CSNK1G1: variants seen among roughly 807,000 people sequenced by gnomAD.
The protein encoded by CSNK1G1 is casein kinase I isoform gamma-1.
A neutral mutation model predicts 59.6 loss-of-function variants in CSNK1G1; 22 were observed. That is an observed-to-expected ratio of 0.37 (90% confidence interval 0.26 to 0.53). The LOEUF is 0.53. CSNK1G1 is among the 20% of genes least tolerant of loss of function. The pLI is 0.89. For synonymous variants in CSNK1G1, 179 were observed against 177.1 expected (o/e 1.01, Z -0.08); for missense variants, 384 against 519.5 (o/e 0.74, Z 2.54).
chr15:64,283,005 G>A (rs1894225246), intron 2 of CSNK1G1, among the ~76,000 whole-genome samples: 1 of 152,130 alleles, frequency 6.6e-6, no homozygotes, highest in African/African-American at 2.4e-5. Flanking sequence ...AATGGACTTT[G>A]GGCAGAAGGG....
At chr15:64,349,670 A>G (rs1016171032) in intron 1 of CSNK1G1, among the ~76,000 whole-genome samples, 2 of 152,148 alleles carry the variant, frequency 1.3e-5, no homozygotes, top group African/African-American at 4.8e-5. Flanking sequence ...TGCTATTTCA[A>G]TTTCTCTGAG....
rs758212983 is a variant in CSNK1G1, at chr15:64,216,663, C to T, written c.343G>A (p.Ala115Thr). ...YYFGPCGKYN[A>T]MVLELLGPSL... is the part of the protein sequence containing the mutation. ...GGGCCAAGGAGCTCCAGCACCATGG[C>T]ATTATATTTCCCACATGGTCCAAAG... is the stretch of plus-strand genomic sequence containing the variant. The change falls in exon 5 of 12, where the codon GCC (alanine) becomes ACC (threonine). Residue 115 changes from alanine to threonine, a missense_variant. Coordinates refer to ENST00000303052, the MANE Select transcript of CSNK1G1 (RefSeq NM_022048.5). The surrounding 1 kb of genome is among the most constrained non-coding windows in gnomAD (Gnocchi z 4.6). The T allele has an allele frequency of 6.2e-7, 1 of 1,613,980 alleles. No individual in the cohort carries two copies. Among genetic ancestry groups the T allele is most frequent in the Non-Finnish European group, 8.5e-7 (1 of 1,179,880 alleles).
At chr15:64,322,256 C>T (rs561765532) in intron 1 of CSNK1G1, among the ~76,000 whole-genome samples, 167 of 152,268 alleles carry the variant, frequency 1.1e-3, no homozygotes, top group Non-Finnish European at 1.9e-3. Context: ...GGTTATTTCT[C>T]CTAAAGCTGT....
At chr15:64,312,477 CA>C (rs1357052648) in intron 1 of CSNK1G1, among the ~76,000 whole-genome samples, 1 of 152,176 alleles carries the variant, frequency 6.6e-6, no homozygotes, top group African/African-American at 2.4e-5. Flanking sequence ...TGATCTTTGA[CA>C]AACCTGACAA....
intron 4 of CSNK1G1, among the ~76,000 whole-genome samples, chr15:64,231,747 AT>A (rs916794183): frequency 2.6e-5 from 4 of 152,014 alleles, no homozygotes; most frequent in African/African-American, 4.8e-5. Flanking sequence ...ATTAGAAACC[AT>A]TTTTTCTTTC....
chr15:64,332,967 C>T (rs1267205821), intron 1 of CSNK1G1, among the ~76,000 whole-genome samples: 3 of 152,040 alleles, frequency 2.0e-5, no homozygotes, highest in Admixed American at 6.6e-5. Flanking sequence ...AAGAAAATTT[C>T]CCTGACTAGC....
At chr15:64,279,165 G>A (rs761254274) in intron 2 of CSNK1G1, among the ~76,000 whole-genome samples, 1 of 152,100 alleles carries the variant, frequency 6.6e-6, no homozygotes, top group Admixed American at 6.5e-5. Context: ...GCACACAAAC[G>A]TTAACTGTAG....
rs1311847246 is a variant in CSNK1G1, at chr15:64,210,933, C to A, written c.679+2957G>T. Among the ~76,000 whole-genome samples the A allele has an allele frequency of 6.6e-6, 1 of 152,134 alleles. No homozygotes were observed. The highest frequency in any genetic ancestry group is 1.9e-4 in the East Asian group (1 of 5,184). On this transcript the variant is annotated intron_variant, in intron 6 of 11. Transcript: ENST00000303052. The surrounding 1 kb of genome is among the most constrained non-coding windows in gnomAD (Gnocchi z 4.2). ...GCAGGTTGGTGAGAAGAGCCTAGCA[C>A]CCCCCTTCCCATGTGATCTGCACAT...
intron 4 of CSNK1G1, among the ~76,000 whole-genome samples, chr15:64,217,916 G>C (rs1411267904): frequency 6.6e-6 from 1 of 151,948 alleles, no homozygotes; most frequent in Non-Finnish European, 1.5e-5. Flanking sequence ...GTGGTCTACA[G>C]TTGCATATGT....
intron 2 of CSNK1G1, among the ~76,000 whole-genome samples, chr15:64,287,231 T>C (rs913501767): frequency 1.3e-5 from 2 of 152,158 alleles, no homozygotes; most frequent in Non-Finnish European, 2.9e-5. Flanking sequence ...ATTTCTCTCA[T>C]CTTTAAAACG....
At chr15:64,281,820 G>GA (rs1894154666) in intron 2 of CSNK1G1, among the ~76,000 whole-genome samples, 3 of 149,618 alleles carry the variant, frequency 2.0e-5, no homozygotes, top group African/African-American at 7.4e-5. Flanking sequence ...AAAAAGAAAA[G>GA]AAAAAGTTCT....
intron 2 of CSNK1G1, among the ~76,000 whole-genome samples, chr15:64,295,008 G>C (rs1740443302): frequency 6.6e-6 from 1 of 151,304 alleles, no homozygotes; most frequent in Non-Finnish European, 1.5e-5. Flanking sequence ...GAGGTGGGTA[G>C]ATCACAAGGT....
intron 10 of CSNK1G1, chr15:64,194,057 T>C (rs559797471): frequency 6.6e-6 from 1 of 152,424 alleles, no homozygotes; most frequent in South Asian, 2.1e-4. Flanking sequence ...TGCACTTGCT[T>C]GTTTCAAAGC....
chr15:64,277,768 GAT>G (rs1240178485), intron 2 of CSNK1G1, among the ~76,000 whole-genome samples: 1 of 117,052 alleles, frequency 8.5e-6, no homozygotes, highest in Non-Finnish European at 1.7e-5. Context: ...TAGCAATATT[GAT>G]ATATTTAATA....
At chr15:64,276,044 T>G (rs1002026571) in intron 2 of CSNK1G1, among the ~76,000 whole-genome samples, 1 of 152,142 alleles carries the variant, frequency 6.6e-6, no homozygotes, top group Non-Finnish European at 1.5e-5. Flanking sequence ...GTAAGAAAAA[T>G]GAGAGTGCTT....
intron 4 of CSNK1G1, among the ~76,000 whole-genome samples, chr15:64,232,996 T>C (rs2082568711): frequency 6.6e-6 from 1 of 152,190 alleles, no homozygotes; most frequent in African/African-American, 2.4e-5. Context: ...AAGCACTATA[T>C]TGATTTCCTA....
chr15:64,229,499 A>G (rs1219542992), intron 4 of CSNK1G1, among the ~76,000 whole-genome samples: 2 of 151,714 alleles, frequency 1.3e-5, no homozygotes, highest in Non-Finnish European at 2.9e-5. Flanking sequence ...ATAGAGAAGG[A>G]GGAGTATTCT....
intron 2 of CSNK1G1, among the ~76,000 whole-genome samples, chr15:64,278,382 G>GTA (rs1357339387): frequency 2.1e-5 from 2 of 95,236 alleles, no homozygotes; most frequent in East Asian, 4.8e-4. Context: ...ATGTGCGTGT[G>GTA]TGTGTGTGTG....
intron 3 of CSNK1G1, among the ~76,000 whole-genome samples, chr15:64,252,449 A>G (rs1216880157): frequency 1.3e-5 from 2 of 152,100 alleles, no homozygotes; most frequent in South Asian, 2.1e-4. Context: ...GGCTCAAGCA[A>G]TCCTCCCACT....
Sources: allele counts gnomAD v4.1 joint callset (sites outside exome capture counted in the v4.1 genomes callset), GRCh38; gene constraint gnomAD v4.1.1; non-coding constraint Gnocchi (gnomAD v3.1); transcripts MANE v1.5; gene names NCBI Gene and HGNC (gene_info 2026-07-23, HGNC 2026-07-21).